The following TSC22D1 variants were observed in gnomAD, a reference collection of about 807,000 sequenced individuals.
TSC22D1 encodes TSC22 domain family protein 1.
Under a neutral mutation model 74.2 loss-of-function variants are expected in TSC22D1, and 9 were observed. The ratio of observed to expected loss-of-function variants is 0.12; its 90% confidence interval spans 0.07 to 0.21. The LOEUF is 0.21. TSC22D1 is among the 10% of genes least tolerant of loss of function. TSC22D1 has a pLI of 1.00. For synonymous variants in TSC22D1, 586 were observed against 492.5 expected, an observed-to-expected ratio of 1.19 and a Z score of -2.51; for missense variants, 1,427 against 1,304.7, an observed-to-expected ratio of 1.09 and a Z score of -1.44.
At chr13:44,442,140 C>G (rs1398450819) in intron 1 of TSC22D1, among the ~76,000 whole-genome samples, 4 of 152,138 alleles carry the variant, frequency 2.6e-5, no homozygotes, top group Admixed American at 2.6e-4. Flanking sequence ...TGTTTTGGTC[C>G]TACATAAAGC....
upstream of TSC22D1, chr13:44,576,379 G>T: frequency 3.2e-6 from 1 of 315,234 alleles, no homozygotes. Context: ...CGTGGGGTGC[G>T]GGGCAGGAGG....
At chr13:44,512,025 C>G (rs1879748558) in intron 1 of TSC22D1, among the ~76,000 whole-genome samples, 1 of 152,190 alleles carries the variant, frequency 6.6e-6, no homozygotes, top group African/African-American at 2.4e-5. Context: ...CATTTATTCT[C>G]ACAGCTTTAA....
chr13:44,486,615 C>T (rs1878436888), intron 1 of TSC22D1, among the ~76,000 whole-genome samples: 1 of 152,156 alleles, frequency 6.6e-6, no homozygotes, highest in Non-Finnish European at 1.5e-5. Context: ...TGAATGGACA[C>T]ATAGAGAATC....
chr13:44,502,016 T>C (rs1324419393), intron 1 of TSC22D1, among the ~76,000 whole-genome samples: 1 of 152,232 alleles, frequency 6.6e-6, no homozygotes, highest in East Asian at 1.9e-4. Context: ...ACATGGTTCA[T>C]TTCCATTCAC....
At position 44,433,830 on chromosome 13, in the gene TSC22D1, T is replaced by G; in HGVS notation, c.*796A>C. The G allele has an allele frequency of 1.5e-6, 1 of 668,310 alleles. No individual in the cohort carries two copies. The highest frequency in any genetic ancestry group is 2.3e-6 in the Non-Finnish European group (1 of 437,704). 41.4% of individuals were successfully genotyped at this position (668,310 alleles called of 1,614,324 possible). A position where few individuals can be genotyped will look rare whatever the true frequency, so the allele number is the denominator to read the frequency against. On this transcript the variant is annotated 3_prime_UTR_variant, in exon 3 of 3. Transcript: ENST00000458659. ...TCTTAAAATTTCTTTAGGTGTGGTT[T>G]TTGTCATGTAGCAGTTTTTATGTAG...
At chr13:44,545,580 C>G (rs1342103111) in intron 1 of TSC22D1, among the ~76,000 whole-genome samples, 1 of 137,442 alleles carries the variant, frequency 7.3e-6, no homozygotes, top group Non-Finnish European at 1.5e-5. Context: ...CTATAAGGTA[C>G]TGAAAAAAAA....
chr13:44,540,732 T>A (rs1198182031), intron 1 of TSC22D1, among the ~76,000 whole-genome samples: 1 of 152,166 alleles, frequency 6.6e-6, no homozygotes, highest in Non-Finnish European at 1.5e-5. Context: ...AATAGTTAGC[T>A]TTATTATAGG....
At chr13:44,515,445 CT>C (rs879885981) in intron 1 of TSC22D1, among the ~76,000 whole-genome samples, 319 of 141,972 alleles carry the variant, frequency 2.2e-3, no homozygotes, top group Non-Finnish European at 2.8e-3. Context: ...TGAAAAAAAT[CT>C]TTTTTTTTTT....
chr13:44,485,677 A>G (rs965502571), intron 1 of TSC22D1, among the ~76,000 whole-genome samples: 13 of 152,162 alleles, frequency 8.5e-5, no homozygotes, highest in Admixed American at 8.5e-4. Flanking sequence ...TTCACAAAAA[A>G]TATTATTTAG....
intron 1 of TSC22D1, among the ~76,000 whole-genome samples, chr13:44,459,958 G>C (rs1876909299): frequency 6.6e-6 from 1 of 152,180 alleles, no homozygotes; most frequent in African/African-American, 2.4e-5. Flanking sequence ...CACAAGCGGA[G>C]AGCAGCCAGC....
chr13:44,517,557 T>C (rs1373073352), intron 1 of TSC22D1, among the ~76,000 whole-genome samples: 1 of 151,736 alleles, frequency 6.6e-6, no homozygotes, highest in Non-Finnish European at 1.5e-5. Flanking sequence ...TTTGAAGTAT[T>C]TTCCGGGCCA....
intron 1 of TSC22D1, among the ~76,000 whole-genome samples, chr13:44,446,811 G>GGAA (rs1555263847): frequency 4.1e-5 from 6 of 144,950 alleles, no homozygotes; most frequent in East Asian, 4.0e-4. Context: ...AAAAGGAGGA[G>GGAA]GAAGAGGAGG....
intron 1 of TSC22D1, among the ~76,000 whole-genome samples, chr13:44,451,810 A>G (rs1566118672): frequency 6.6e-6 from 1 of 152,232 alleles, no homozygotes; most frequent in Non-Finnish European, 1.5e-5. Flanking sequence ...TAGGGGGCAC[A>G]GCCCCTTACC....
chr13:44,480,349 T>C lies in TSC22D1; in HGVS notation c.2913-44254A>G, dbSNP rs1164882142. The stretch of plus-strand genomic sequence containing the variant: ...TATTAATTCCTTGGGAATTAGTGAT[T>C]GCTGATAAATTCATTTTTACATATA... On this transcript the variant is annotated intron_variant, in intron 1 of 2. Transcript: ENST00000458659. Among the ~76,000 whole-genome samples the C allele has an allele frequency of 3.3e-5, 5 of 152,278 alleles. No homozygotes were observed. In the East Asian group the frequency reaches 9.6e-4, roughly 29 times the overall value.
At chr13:44,519,059 A>G (rs1325946020) in intron 1 of TSC22D1, among the ~76,000 whole-genome samples, 3 of 152,072 alleles carry the variant, frequency 2.0e-5, no homozygotes, top group Non-Finnish European at 2.9e-5. Context: ...ACCGGTCTAA[A>G]TTTTTTTTCT....
intron 1 of TSC22D1, chr13:44,538,256 A>T: frequency 1.0e-6 from 1 of 985,350 alleles, no homozygotes; most frequent in Non-Finnish European, 1.2e-6. Flanking sequence ...ATCTCAAAAG[A>T]TATTTCTTCT....
chr13:44,453,477 T>C (rs1271178016), intron 1 of TSC22D1, among the ~76,000 whole-genome samples: 4 of 152,240 alleles, frequency 2.6e-5, no homozygotes, highest in Non-Finnish European at 5.9e-5. Context: ...AATAACTGTT[T>C]ATATCTTTAT....
At chr13:44,434,933 C>T in intron 2 of TSC22D1, 50 bp from the exon 3 acceptor site, 2 of 1,487,014 alleles carry the variant, frequency 1.3e-6, no homozygotes, top group Non-Finnish European at 1.8e-6. Flanking sequence ...ATTTTCTGGA[C>T]TCTTTTGAGT....
intron 1 of TSC22D1, among the ~76,000 whole-genome samples, chr13:44,455,682 G>C (rs1329657534): frequency 6.6e-6 from 1 of 152,028 alleles, no homozygotes; most frequent in South Asian, 2.1e-4. Context: ...TTTGAGTCTT[G>C]CTTTGGATAG....
Sources: allele counts gnomAD v4.1 joint callset (sites outside exome capture counted in the v4.1 genomes callset), GRCh38; gene constraint gnomAD v4.1.1; transcripts MANE v1.5; gene names NCBI Gene and HGNC (gene_info 2026-07-23, HGNC 2026-07-21).